Variants in SCN10A observed in about 807,000 individuals in gnomAD.
SCN10A encodes sodium voltage-gated channel alpha subunit 10.
In SCN10A, 162 loss-of-function variants were observed where a neutral mutation model predicts 170.7. The observed-to-expected ratio is 0.95, with a 90% confidence interval of 0.84 to 1.08. SCN10A has a LOEUF of 1.08. SCN10A is among the 50% of genes least tolerant of loss of function. SCN10A has a pLI of 0.00. For missense variants in SCN10A, 2,527 were observed against 2,436.9 expected (o/e 1.04, Z -0.78); for synonymous variants, 985 against 904.6 (o/e 1.09, Z -1.59).
intron 8 of SCN10A, among the ~76,000 whole-genome samples, chr3:38,759,308 C>G (rs1204750533): frequency 6.6e-6 from 1 of 152,098 alleles, no homozygotes; most frequent in Non-Finnish European, 1.5e-5. Flanking sequence ...GTGGCCAAAG[C>G]AGCAGGCAGA....
chr3:38,709,834 G>A (rs746374330), intron 24 of SCN10A, among the ~76,000 whole-genome samples: 1 of 152,196 alleles, frequency 6.6e-6, no homozygotes, highest in Non-Finnish European at 1.5e-5. Flanking sequence ...CAACTGAAGC[G>A]CAATCCTACT....
intron 17 of SCN10A, 66 bp from the exon 18 acceptor site, chr3:38,725,380 G>C: frequency 2.1e-6 from 3 of 1,462,166 alleles, no homozygotes; most frequent in Non-Finnish European, 2.8e-6. Flanking sequence ...TAAATTTGAA[G>C]GGATCTTGCA....
intron 8 of SCN10A, among the ~76,000 whole-genome samples, chr3:38,757,360 G>C (rs542830028): frequency 1.3e-5 from 2 of 152,178 alleles, no homozygotes; most frequent in African/African-American, 4.8e-5. Context: ...ATACTTTCAC[G>C]TCAGAATTTC....
At chr3:38,735,679 A>T (rs1366750741) in intron 15 of SCN10A, among the ~76,000 whole-genome samples, 1 of 152,284 alleles carries the variant, frequency 6.6e-6, no homozygotes, top group African/African-American at 2.4e-5. Flanking sequence ...TAAAGCTGCC[A>T]TAATTAAGAC....
chr3:38,732,228 G>T (rs1015048899), intron 15 of SCN10A, among the ~76,000 whole-genome samples: 5 of 152,204 alleles, frequency 3.3e-5, no homozygotes, highest in East Asian at 1.9e-4. Context: ...AATAGTTGGG[G>T]TCATGTTAGT....
At chr3:38,809,834 T>C (rs1156501525) in intron 1 of SCN10A, among the ~76,000 whole-genome samples, 1 of 152,204 alleles carries the variant, frequency 6.6e-6, no homozygotes, top group African/African-American at 2.4e-5. Flanking sequence ...AAATAAGGGC[T>C]ATATTATATG....
At chr3:38,806,491 T>C (rs759482098) in intron 1 of SCN10A, among the ~76,000 whole-genome samples, 1 of 152,124 alleles carries the variant, frequency 6.6e-6, no homozygotes, top group Non-Finnish European at 1.5e-5. Context: ...AGAGATAGTG[T>C]GGTTTTGTTG....
chr3:38,801,191 C>G (rs1234564976), intron 1 of SCN10A, among the ~76,000 whole-genome samples: 1 of 152,104 alleles, frequency 6.6e-6, no homozygotes, highest in African/African-American at 2.4e-5. Context: ...TCGCTATCTC[C>G]TGAGTGTGTG....
chr3:38,734,359 C>A (rs1372114029), intron 15 of SCN10A, among the ~76,000 whole-genome samples: 4 of 152,022 alleles, frequency 2.6e-5, no homozygotes, highest in African/African-American at 9.7e-5. Flanking sequence ...AATCTTGGAA[C>A]CTTGATACCA....
chr3:38,704,054 T>C lies in SCN10A; in HGVS notation c.4387-1945A>G, dbSNP rs776648911. On this transcript the variant is annotated intron_variant, in intron 26 of 27. Transcript: ENST00000449082. ...CTGTACCAAGGGTACATACTGAATGTATGGGATGTGCAAGCCTCTGCATGA... is the reference window on the plus strand; with the variant it reads ...CTGTACCAAGGGTACATACTGAATGCATGGGATGTGCAAGCCTCTGCATGA... 2.6e-4 allele frequency among the ~76,000 whole-genome samples: 39 copies of C among 152,330 alleles called. 1 individual carries two copies. The highest frequency in any genetic ancestry group is 4.3e-4 in the Non-Finnish European group (29 of 68,030).
chr3:38,759,815 G>A (rs1344888773), intron 8 of SCN10A, among the ~76,000 whole-genome samples: 1 of 152,196 alleles, frequency 6.6e-6, no homozygotes, highest in Non-Finnish European at 1.5e-5. Flanking sequence ...GTCCCCTTTA[G>A]AGGAGGCATG....
intron 1 of SCN10A, among the ~76,000 whole-genome samples, chr3:38,804,880 T>A (rs1165521497): frequency 6.6e-6 from 1 of 151,782 alleles, no homozygotes; most frequent in Non-Finnish European, 1.5e-5. Flanking sequence ...TAGCCAAAAA[T>A]GAAGGAGAAG....
Position 38,698,092 on chromosome 3 carries a change from A to G in SCN10A, c.5128T>C (p.Phe1710Leu), listed in dbSNP as rs2063114786. The change falls in exon 28 of 28, where the codon TTC (phenylalanine) becomes CTC (leucine). Residue 1710 changes from phenylalanine to leucine, a missense_variant. Physicochemically the swap from Phe to Leu is conservative, Grantham distance 22. Transcript: ENST00000449082. ...ATGTACATGTTGACCATGATGAGGA[A>G]GGAGATGATGATGTAGGTGGTGAAG... Reference protein sequence around the residue: ...IFFTTYIIISFLIMVNMYIAV... With the variant: ...IFFTTYIIISLLIMVNMYIAV... 6.2e-7 allele frequency: 1 copy of G among 1,613,710 alleles called. No homozygotes were observed. The highest frequency in any genetic ancestry group is 8.5e-7 in the Non-Finnish European group (1 of 1,179,738).
Position 38,728,757 on chromosome 3 carries a change from G to A in SCN10A, c.2425C>T (p.Leu809=). Residue 809 remains leucine, a synonymous_variant, in exon 16 of 28, where the codon CTA becomes TTA. Coordinates refer to ENST00000449082, the MANE Select transcript of SCN10A (RefSeq NM_006514.4). ...CGGTTGTTACGGTAGTTTTCCCCTA[G>A]GAGCTGCTTGCCAACCAGAGCAAAG... ...FVFALVGKQL[L]GENYRNNRKN... 1 of 1,614,166 alleles carries A rather than the reference G, an allele frequency of 6.2e-7. No homozygotes were observed. Among genetic ancestry groups the A allele is most frequent in the Non-Finnish European group, 8.5e-7 (1 of 1,180,034 alleles).
chr3:38,794,218 G>C (rs1201443440), intron 1 of SCN10A, among the ~76,000 whole-genome samples, 176 bp from the exon 2 acceptor site: 2 of 151,994 alleles, frequency 1.3e-5, no homozygotes, highest in Admixed American at 6.6e-5. Context: ...GCATTCAGGG[G>C]AGGCTGTTTA....
intron 16 of SCN10A, 141 bp from the exon 17 acceptor site, chr3:38,727,193 G>C (rs936276315): frequency 4.1e-6 from 3 of 734,558 alleles, no homozygotes; most frequent in Non-Finnish European, 6.6e-6. Context: ...CCTTTTGGGG[G>C]AATGGACTTT....
chr3:38,737,800 C>CTT (rs1438389968), intron 15 of SCN10A, among the ~76,000 whole-genome samples: 1 of 86,790 alleles, frequency 1.2e-5, no homozygotes, highest in African/African-American at 5.3e-5. Flanking sequence ...CTCCCTTCCT[C>CTT]TTTCTTTCTT....
At chr3:38,766,111 T>A (rs1428506571) in intron 5 of SCN10A, among the ~76,000 whole-genome samples, 1 of 152,146 alleles carries the variant, frequency 6.6e-6, no homozygotes, top group African/African-American at 2.4e-5. Context: ...CTGAATTCAT[T>A]TATTAGATCT....
At chr3:38,814,007 C>T (rs767898361) in intron 1 of SCN10A, among the ~76,000 whole-genome samples, 1 of 152,146 alleles carries the variant, frequency 6.6e-6, no homozygotes, top group African/African-American at 2.4e-5. Context: ...GAGAGGGAGA[C>T]CCTCATAAAC....
Sources: gnomAD v4.1 joint callset for allele counts (sites outside exome capture counted in the v4.1 genomes callset) on GRCh38, gnomAD v4.1.1 for gene constraint, MANE v1.5 for transcripts, NCBI Gene and HGNC (gene_info 2026-07-23, HGNC 2026-07-21) for gene names.